The following VPS13A variants were observed in gnomAD, a reference collection of about 807,000 sequenced individuals.
VPS13A encodes the protein vacuolar protein sorting 13 homolog A.
Under a neutral mutation model 390.9 loss-of-function variants are expected in VPS13A, and 264 were observed. The observed-to-expected ratio is 0.68, with a 90% CI of 0.61 to 0.75. VPS13A has a LOEUF of 0.75. VPS13A is among the 30% of genes least tolerant of loss of function. The pLI is 0.00. For missense variants in VPS13A, 3,409 were observed against 3,733.9 expected (o/e 0.91, Z 2.27); for synonymous variants, 1,231 against 1,227.1 (o/e 1.00, Z -0.07).
rs1327617396 is a variant in VPS13A, at chr9:77,238,183, T to C, written c.1777T>C (p.Tyr593His). ...AGAAGCTGAACCTTTAGAAATCATA[T>C]ATGATGCAGTAAGCATTTTTTTAAA... ...IIEAEPLEII[Y>H]DARTVNSIVE... Residue 593 changes from tyrosine (Y) to histidine (H), a missense_variant, in exon 18 of 72, where the codon TAT (tyrosine) becomes CAT (histidine). By Grantham distance (83) the Tyr-to-His change is moderately conservative. Around this residue, in one of 5 missense-constraint regions of VPS13A, gnomAD observed 2,717 missense variants for 2,917.4 expected, o/e 0.93. Coordinates refer to ENST00000360280, the MANE Select transcript of VPS13A (RefSeq NM_033305.3). The C allele has an allele frequency of 3.1e-6, 5 of 1,612,942 alleles. No homozygotes were observed. The highest frequency in any genetic ancestry group is 1.3e-5 in the African/African-American group (1 of 74,884).
chr9:77,390,245 A>G, intron 68 of VPS13A: 1 of 398,254 alleles, frequency 2.5e-6, no homozygotes, highest in Non-Finnish European at 3.4e-6. Flanking sequence ...GAGAACACTG[A>G]AGAGAGCCAA....
rs1830754048 is a variant in VPS13A, at chr9:77,340,477, A to G, written c.6953A>G (p.Lys2318Arg). 1 of 1,613,508 alleles carries G rather than the reference A, an allele frequency of 6.2e-7. No individual in the cohort carries two copies. The highest frequency in any genetic ancestry group is 8.5e-7 in the Non-Finnish European group (1 of 1,179,714). Residue 2318 changes from lysine (K) to arginine (R), a missense_variant, in exon 50 of 72, where the codon AAA (lysine) becomes AGA (arginine). By Grantham distance (26) the Lys-to-Arg change is conservative. Coordinates refer to ENST00000360280, the MANE Select transcript of VPS13A (RefSeq NM_033305.3). Reference protein sequence around the residue: ...IVTFTPFYMIKNKSKYHISVA... With the variant: ...IVTFTPFYMIRNKSKYHISVA... ...ACATTTACCCCTTTTTATATGATTA[A>G]AAACAAAAGCAAATACCATATATCA...
chr9:77,280,475 AT>A lies in VPS13A; in HGVS notation c.2904+247del, dbSNP rs34699806. On this transcript the variant is annotated intron_variant, in intron 27 of 71. Coordinates refer to ENST00000360280, the MANE Select transcript of VPS13A (RefSeq NM_033305.3). ...CTAAGTAGAAATGACCTGGAGTTTGATTTTTTTTTTCTCCCAACAGGGGTAC... is the reference window on the plus strand; with the variant it reads ...CTAAGTAGAAATGACCTGGAGTTTGATTTTTTTTTCTCCCAACAGGGGTAC... 3.7e-3 allele frequency among the ~76,000 whole-genome samples: 562 copies of A among 149,924 alleles called. 2 individuals carry two copies. Among genetic ancestry groups the A allele is most frequent in the Admixed American group, 5.5e-3 (83 of 15,070 alleles).
At chr9:77,412,377 A>T (rs1834977996) in intron 71 of VPS13A, among the ~76,000 whole-genome samples, 2 of 152,368 alleles carry the variant, frequency 1.3e-5, no homozygotes, top group Admixed American at 6.5e-5. Context: ...CCAGCAGCAC[A>T]TCAAAAAGCT....
intron 67 of VPS13A, among the ~76,000 whole-genome samples, chr9:77,372,196 T>G (rs1012288991): frequency 2.0e-5 from 3 of 151,736 alleles, no homozygotes; most frequent in Non-Finnish European, 2.9e-5. Flanking sequence ...CAAATGGTAT[T>G]TCCAGTTCTA....
Position 77,354,295 on chromosome 9 carries a change from T to A in VPS13A, c.7652+654T>A, listed in dbSNP as rs1369487824. Among the ~76,000 whole-genome samples the A allele has an allele frequency of 2.6e-5, 4 of 152,096 alleles. No individual in the cohort carries two copies. The East Asian group carries it at 7.7e-4, about 29-fold the overall frequency. ...ACAGATGTAAATTTAGTTTTCTATG[T>A]ACATTAATCTATACGTGTCCCTGAC... On this transcript the variant is annotated intron_variant, in intron 54 of 71. Coordinates refer to ENST00000360280, the MANE Select transcript of VPS13A (RefSeq NM_033305.3).
intron 3 of VPS13A, among the ~76,000 whole-genome samples, chr9:77,203,846 C>T (rs1027014502): frequency 6.6e-6 from 1 of 151,760 alleles, no homozygotes; most frequent in Non-Finnish European, 1.5e-5. Flanking sequence ...GAAATGATCC[C>T]CATGTTCTCT....
chr9:77,212,714 A>G (rs1201936735), intron 7 of VPS13A, among the ~76,000 whole-genome samples: 2 of 152,168 alleles, frequency 1.3e-5, no homozygotes, highest in Non-Finnish European at 2.9e-5. Context: ...TTAAATGAGT[A>G]TTTAACTTCT....
At chr9:77,279,810 A>G (rs968183028) in intron 26 of VPS13A, 23 of 194,558 alleles carry the variant, frequency 1.2e-4, no homozygotes, top group Non-Finnish European at 2.2e-4. Flanking sequence ...TAGTTATTTC[A>G]GTGATCCAGG....
chr9:77,271,747 C>G (rs1374908499), intron 23 of VPS13A, among the ~76,000 whole-genome samples: 4 of 152,092 alleles, frequency 2.6e-5, no homozygotes, highest in Non-Finnish European at 5.9e-5. Flanking sequence ...CATTTAAGAA[C>G]TTAACAAAAC....
chr9:77,407,925 C>CCAT (rs1267877625), intron 71 of VPS13A, among the ~76,000 whole-genome samples: 4 of 152,096 alleles, frequency 2.6e-5, no homozygotes, highest in African/African-American at 9.7e-5. Context: ...TAGTGTTAAT[C>CCAT]CATCAGCTCC....
intron 44 of VPS13A, among the ~76,000 whole-genome samples, chr9:77,322,056 GA>G (rs1184526558): frequency 6.6e-6 from 1 of 151,816 alleles, no homozygotes; most frequent in Non-Finnish European, 1.5e-5. Context: ...ATAGACCGTG[GA>G]TGTTTAGATG....
At chr9:77,220,512 A>T (rs924843395) in intron 12 of VPS13A, 129 bp downstream of exon 12, 3 of 679,156 alleles carry the variant, frequency 4.4e-6, no homozygotes, top group Admixed American at 2.8e-5. Flanking sequence ...ATTGATTTAT[A>T]GCTAGAAATA....
chr9:77,243,857 A>G (rs1824648140), intron 19 of VPS13A, among the ~76,000 whole-genome samples: 2 of 152,196 alleles, frequency 1.3e-5, no homozygotes, highest in African/African-American at 4.8e-5. Context: ...GAAAAACCAC[A>G]CAGTAATTTT....
intron 22 of VPS13A, among the ~76,000 whole-genome samples, chr9:77,256,892 G>A (rs1406346935): frequency 6.6e-6 from 1 of 151,328 alleles, no homozygotes; most frequent in Non-Finnish European, 1.5e-5. Flanking sequence ...TTTTCTATGA[G>A]TTAACGTGAT....
chr9:77,397,125 G>A (rs1368713998), intron 68 of VPS13A, among the ~76,000 whole-genome samples: 1 of 152,112 alleles, frequency 6.6e-6, no homozygotes. Flanking sequence ...AAGTAGCTGG[G>A]ATTACAGGCT....
chr9:77,334,964 G>A (rs796175344), intron 46 of VPS13A, among the ~76,000 whole-genome samples: 2 of 152,268 alleles, frequency 1.3e-5, no homozygotes, highest in Non-Finnish European at 1.5e-5. Flanking sequence ...AAAAGGACAT[G>A]CAGAAAAGTG....
chr9:77,204,393 A>C (rs910667934), intron 3 of VPS13A, among the ~76,000 whole-genome samples: 1 of 152,162 alleles, frequency 6.6e-6, no homozygotes, highest in Non-Finnish European at 1.5e-5. Context: ...CGCTTAAAAA[A>C]AAAATTCTTT....
At chr9:77,181,534 A>AG (rs1564612160) in intron 1 of VPS13A, among the ~76,000 whole-genome samples, 1 of 150,934 alleles carries the variant, frequency 6.6e-6, no homozygotes, top group African/African-American at 2.4e-5. Context: ...AAAAAAAAAA[A>AG]AAGAAACTGG....
Sources: gnomAD v4.1 joint callset for allele counts (sites outside exome capture counted in the v4.1 genomes callset) on GRCh38, gnomAD v4.1.1 for gene constraint, gnomAD v4.1.1 regional missense constraint, MANE v1.5 for transcripts, NCBI Gene and HGNC (gene_info 2026-07-23, HGNC 2026-07-21) for gene names.